TXNDC9: variants seen among roughly 807,000 people sequenced by gnomAD.
TXNDC9 encodes thioredoxin domain containing 9.
Under a neutral mutation model 23.0 loss-of-function variants are expected in TXNDC9, and 7 were observed. The ratio of observed to expected loss-of-function variants is 0.30; its 90% confidence interval spans 0.17 to 0.57. TXNDC9 has a LOEUF of 0.57. Ranked by LOEUF, TXNDC9 falls within the 20% of genes least tolerant of loss-of-function variation. The pLI is 0.90. For synonymous variants in TXNDC9, 72 were observed against 90.6 expected (o/e 0.79, Z 1.17); for missense variants, 198 against 252.6 (o/e 0.78, Z 1.47).
chr2:99,331,634 C>A (rs960853343), intron 2 of TXNDC9, among the ~76,000 whole-genome samples: 3 of 152,074 alleles, frequency 2.0e-5, no homozygotes, highest in Non-Finnish European at 4.4e-5. Context: ...AAAATTTGGA[C>A]TCACTTATAA....
intron 2 of TXNDC9, 122 bp from the exon 3 acceptor site, chr2:99,327,775 T>C (rs917419669): frequency 3.1e-6 from 2 of 654,346 alleles, no homozygotes; most frequent in African/African-American, 3.8e-5. Context: ...AAAAAGTTTT[T>C]TTTTTGTTTG....
In TXNDC9 at chr2:99,321,898, G is replaced by C. The variant is rs1228283340; in HGVS notation, c.563+57C>G. ...AAATGTTACAATACAAAAATCTTTT[G>C]TAAAAATATCAACTATATATGAATT... On this transcript the variant is annotated intron_variant, in intron 4 of 4. Transcript: ENST00000264255. The C allele has an allele frequency of 2.1e-6, 3 of 1,445,344 alleles. No homozygotes were observed. The African/African-American group carries it at 4.3e-5, about 21-fold the overall frequency. 89.5% of individuals were successfully genotyped at this position (1,445,344 alleles called of 1,614,324 possible). A position where few individuals can be genotyped will look rare whatever the true frequency, so the allele number is the denominator to read the frequency against.
In TXNDC9 at chr2:99,319,474, C is replaced by A; in HGVS notation, c.*208G>T. 1 of 442,136 alleles carries A rather than the reference C, an allele frequency of 2.3e-6. No homozygotes were observed. Among genetic ancestry groups the A allele is most frequent in the Admixed American group, 4.3e-5 (1 of 23,486 alleles). 27.4% of individuals were successfully genotyped at this position (442,136 alleles called of 1,614,324 possible). On this transcript the variant is annotated 3_prime_UTR_variant, in exon 5 of 5. Coordinates refer to ENST00000264255, the MANE Select transcript of TXNDC9 (RefSeq NM_005783.4). ...CAAAAATAGAGAATCCAGACCCTTC[C>A]CAGATAATTTAAGAACTGAGTTTTC...
Position 99,319,013 on chromosome 2 carries a change from T to G in TXNDC9, c.*669A>C, listed in dbSNP as rs189682274. ...TTGGATGTATGCTTTTATGACAATTTCCACATAAACTTCCAGTTACAGGTA... is the reference window on the plus strand; with the variant it reads ...TTGGATGTATGCTTTTATGACAATTGCCACATAAACTTCCAGTTACAGGTA... On this transcript the variant is annotated 3_prime_UTR_variant, in exon 5 of 5. Transcript: ENST00000264255. 6.6e-6 allele frequency: 1 copy of G among 152,378 alleles called. No individual in the cohort carries two copies. The highest frequency in any genetic ancestry group is 6.5e-5 in the Admixed American group (1 of 15,306). The allele number at this position is 152,378 out of a possible 1,614,324, so 9.4% of individuals were successfully genotyped here. A position where few individuals can be genotyped will look rare whatever the true frequency, so the allele number is the denominator to read the frequency against.
intron 2 of TXNDC9, among the ~76,000 whole-genome samples, chr2:99,331,306 T>C (rs1290441554): frequency 6.6e-6 from 1 of 151,934 alleles, no homozygotes; most frequent in Non-Finnish European, 1.5e-5. Context: ...TGGTGTGGGG[T>C]GGCTCACACC....
At chr2:99,311,945 T>C in the TXNDC9 span, among the ~76,000 whole-genome samples, 1 of 137,974 alleles carries the variant, frequency 7.2e-6, no homozygotes, top group South Asian at 2.5e-4. Context: ...ATATCCTGTA[T>C]AATAAAAAAG....
At chr2:99,323,201 G>A (rs1253833885) in intron 3 of TXNDC9, among the ~76,000 whole-genome samples, 1 of 152,010 alleles carries the variant, frequency 6.6e-6, no homozygotes, top group Non-Finnish European at 1.5e-5. Flanking sequence ...GAAGTCAGTA[G>A]TTTGAGACCA....
At chr2:99,327,504 T>C (rs774123262) in intron 3 of TXNDC9, 31 bp downstream of exon 3, 3 of 1,483,326 alleles carry the variant, frequency 2.0e-6, no homozygotes, top group Non-Finnish European at 1.9e-6. Flanking sequence ...TGTGTTTTTT[T>C]AGAAAAAGTC....
intron 2 of TXNDC9, among the ~76,000 whole-genome samples, chr2:99,330,252 T>C (rs1161757896): frequency 8.5e-6 from 1 of 117,954 alleles, no homozygotes; most frequent in Non-Finnish European, 1.6e-5. Context: ...ATTGTGCCAC[T>C]GCACTCCAGC....
chr2:99,321,037 C>T (rs921534492), intron 4 of TXNDC9: 1 of 152,060 alleles, frequency 6.6e-6, no homozygotes, highest in Non-Finnish European at 1.5e-5. Context: ...ACAAGTGCCC[C>T]ACCCGGCTGC....
chr2:99,334,450 A>G (rs2094233772), intron 1 of TXNDC9, among the ~76,000 whole-genome samples: 1 of 152,204 alleles, frequency 6.6e-6, no homozygotes, highest in African/African-American at 2.4e-5. Flanking sequence ...ATTATAGACT[A>G]TTTACACAAA....
At chr2:99,320,218 GGCT>G (rs1435568772) in intron 4 of TXNDC9, among the ~76,000 whole-genome samples, 2 of 152,114 alleles carry the variant, frequency 1.3e-5, no homozygotes, top group Non-Finnish European at 2.9e-5. Flanking sequence ...ACATTGCCCA[GGCT>G]TGTCTTGAAC....
Position 99,327,516 on chromosome 2 carries a change from C to T in TXNDC9, c.308+19G>A. 1 of 1,539,260 alleles carries T rather than the reference C, an allele frequency of 6.5e-7. No individual in the cohort carries two copies. The highest frequency in any genetic ancestry group is 9.0e-7 in the Non-Finnish European group (1 of 1,114,588). On this transcript the variant is annotated intron_variant, in intron 3 of 4. Transcript: ENST00000264255. ...CACTGTGTTTTTTTAGAAAAAGTCA[C>T]AGATGGAAACAAAGTTACCTGAATG... is the stretch of plus-strand genomic sequence containing the variant.
intron 2 of TXNDC9, among the ~76,000 whole-genome samples, chr2:99,329,688 C>A (rs528472147): frequency 6.6e-6 from 1 of 152,304 alleles, no homozygotes; most frequent in South Asian, 2.1e-4. Context: ...ATTTGTTAGG[C>A]TGGACGCAGT....
chr2:99,313,652 T>C, the TXNDC9 span, among the ~76,000 whole-genome samples: 2 of 152,084 alleles, frequency 1.3e-5, no homozygotes, highest in African/African-American at 2.4e-5. Flanking sequence ...AAATCTTCTC[T>C]CAGCAGATCA....
chr2:99,333,198 C>T lies in TXNDC9; in HGVS notation c.13G>A (p.Ala5Thr), dbSNP rs114213285. Residue 5 changes from alanine to threonine, a missense_variant, in exon 2 of 5, where the codon GCA becomes ACA. Coordinates refer to ENST00000264255, the MANE Select transcript of TXNDC9 (RefSeq NM_005783.4). The part of the protein sequence containing the change: MEAD[A>T]SVDMFSKVLE... The stretch of plus-strand genomic sequence containing the variant: ...ACTTTGGAAAACATGTCAACAGATG[C>T]ATCAGCTTCCATTCTTCCAAATGGT... The T allele has an allele frequency of 4.7e-4, 765 of 1,613,918 alleles. 8 individuals are homozygous for T. The African/African-American group carries it at 9.2e-3, about 19-fold the overall frequency.
At chr2:99,327,445 T>G (rs2094215188) in intron 3 of TXNDC9, 90 bp downstream of exon 3, 3 of 917,460 alleles carry the variant, frequency 3.3e-6, no homozygotes, top group Non-Finnish European at 5.1e-6. Flanking sequence ...TTCTTTTAGT[T>G]TTCTTCATTT....
downstream of TXNDC9, among the ~76,000 whole-genome samples, chr2:99,316,479 C>T (rs1431592497): frequency 6.6e-6 from 1 of 152,164 alleles, no homozygotes; most frequent in Non-Finnish European, 1.5e-5. Flanking sequence ...AATGGGTTTT[C>T]TTATACACAA....
chr2:99,316,957 G>A (rs201605740), downstream of TXNDC9, among the ~76,000 whole-genome samples: 2 of 152,070 alleles, frequency 1.3e-5, no homozygotes, highest in African/African-American at 2.4e-5. Context: ...GGGGTTTCAC[G>A]GTGTTAGCCA....
Sources: gnomAD v4.1 joint callset for allele counts (sites outside exome capture counted in the v4.1 genomes callset) on GRCh38, gnomAD v4.1.1 for gene constraint, MANE v1.5 for transcripts, NCBI Gene and HGNC (gene_info 2026-07-23, HGNC 2026-07-21) for gene names.